SHC4: variants seen among roughly 807,000 people sequenced by gnomAD.
The protein encoded by SHC4 is SHC-transforming protein 4.
A neutral mutation model predicts 69.4 loss-of-function variants in SHC4; 41 were observed. The observed-to-expected ratio is 0.59, with a 90% CI of 0.46 to 0.77. The LOEUF (loss-of-function observed/expected upper bound fraction) is 0.77, where lower values mean the gene tolerates loss of function less well. Among genes scored for constraint, SHC4 ranks in the 30% least tolerant of loss-of-function variants. SHC4 has a pLI of 0.00. For missense variants in SHC4, 777 were observed against 783.8 expected, an observed-to-expected ratio of 0.99 and a Z score of 0.10; for synonymous variants, 318 against 299.3, an observed-to-expected ratio of 1.06 and a Z score of -0.64.
chr15:48,870,505 A>G (rs922448057), intron 5 of SHC4, among the ~76,000 whole-genome samples: 2 of 152,226 alleles, frequency 1.3e-5, no homozygotes, highest in Non-Finnish European at 2.9e-5. Flanking sequence ...AAATAACTAT[A>G]CCCCAGGCTA....
At chr15:48,863,681 T>C (rs1487243792) in intron 6 of SHC4, among the ~76,000 whole-genome samples, 1 of 152,240 alleles carries the variant, frequency 6.6e-6, no homozygotes, top group Non-Finnish European at 1.5e-5. Flanking sequence ...GAATAACTAC[T>C]ACTCGAAACC....
intron 4 of SHC4, chr15:48,877,588 G>A (rs987872062): frequency 1.7e-4 from 171 of 983,600 alleles, no homozygotes; most frequent in Non-Finnish European, 1.9e-4. Context: ...ATAGTGGAAA[G>A]ATACCTCCCA....
At chr15:48,909,266 CTT>C (rs962281630) in intron 2 of SHC4, among the ~76,000 whole-genome samples, 2 of 140,734 alleles carry the variant, frequency 1.4e-5, no homozygotes, top group African/African-American at 5.3e-5. Flanking sequence ...TCTTTTGACT[CTT>C]TTGTTAGGTA....
chr15:48,896,301 C>CCT (rs1169590147), intron 2 of SHC4, among the ~76,000 whole-genome samples: 8 of 135,088 alleles, frequency 5.9e-5, no homozygotes, highest in Non-Finnish European at 1.1e-4. Flanking sequence ...CCTCCCTCTC[C>CCT]CTCTCTCTCT....
At chr15:48,900,831 G>C (rs1312432561) in intron 2 of SHC4, among the ~76,000 whole-genome samples, 2 of 152,182 alleles carry the variant, frequency 1.3e-5, no homozygotes, top group African/African-American at 4.8e-5. Flanking sequence ...GACAGGGCTT[G>C]GGGGTCAGAA....
intron 10 of SHC4, among the ~76,000 whole-genome samples, chr15:48,841,869 C>A (rs1375274975): frequency 6.6e-6 from 1 of 152,212 alleles, no homozygotes; most frequent in Non-Finnish European, 1.5e-5. Context: ...ACAATAAGGA[C>A]CCCTGGTTCT....
intron 9 of SHC4, among the ~76,000 whole-genome samples, chr15:48,849,899 C>G (rs1899173650): frequency 6.6e-6 from 1 of 152,146 alleles, no homozygotes; most frequent in African/African-American, 2.4e-5. Flanking sequence ...CATATTTTTA[C>G]AGAACTTAAA....
At position 48,841,668 on chromosome 15, in the gene SHC4, T is replaced by C. The variant is rs1312514202; in HGVS notation, c.1483+1741A>G. On this transcript the variant is annotated intron_variant, in intron 10 of 11. Transcript: ENST00000332408. ...TGGCTGAGGCTTTGTCAGGCCTGTG[T>C]TGTAGTCCCATCTCCCACTCCAGCC... 3.9e-5 allele frequency among the ~76,000 whole-genome samples: 6 copies of C among 152,216 alleles called. No individual in the cohort carries two copies. In the South Asian group the frequency reaches 1.0e-3, roughly 26 times the overall value.
intron 1 of SHC4, chr15:48,946,072 G>A (rs1901271373): frequency 6.6e-6 from 1 of 152,288 alleles, no homozygotes; most frequent in Admixed American, 6.5e-5. Flanking sequence ...ATCTGAAAAA[G>A]TCAATGATTG....
chr15:48,933,228 G>A (rs905970564), intron 1 of SHC4, among the ~76,000 whole-genome samples: 4 of 152,110 alleles, frequency 2.6e-5, no homozygotes, highest in African/African-American at 9.7e-5. Context: ...TTCAAAAGAG[G>A]TCAGAAATCA....
At chr15:48,866,327 G>T (rs937659718) in intron 6 of SHC4, among the ~76,000 whole-genome samples, 5 of 152,112 alleles carry the variant, frequency 3.3e-5, no homozygotes, top group Non-Finnish European at 5.9e-5. Context: ...AGTTTAGAGT[G>T]GGTCAGTTTT....
chr15:48,908,956 T>C (rs1046537880), intron 2 of SHC4, among the ~76,000 whole-genome samples: 6 of 152,214 alleles, frequency 3.9e-5, no homozygotes, highest in Non-Finnish European at 8.8e-5. Flanking sequence ...TATGGCACTA[T>C]AGTATCGTTT....
At chr15:48,830,761 G>C (rs771776538) in intron 11 of SHC4, among the ~76,000 whole-genome samples, 1 of 152,118 alleles carries the variant, frequency 6.6e-6, no homozygotes, top group African/African-American at 2.4e-5. Context: ...ATCTGCGTAC[G>C]AGCAAATCTA....
At chr15:48,847,292 T>C (rs947427225) in intron 9 of SHC4, among the ~76,000 whole-genome samples, 2 of 152,184 alleles carry the variant, frequency 1.3e-5, no homozygotes, top group African/African-American at 4.8e-5. Context: ...CATTTTAAAG[T>C]GTAAGCCCTT....
At chr15:48,946,504 T>C (rs1202874932) in intron 1 of SHC4, 35 of 844,584 alleles carry the variant, frequency 4.1e-5, no homozygotes, top group South Asian at 5.4e-5. Flanking sequence ...CCTCTCCCTC[T>C]CCTCTTCCTC....
At chr15:48,939,239 G>T (rs1457128238) in intron 1 of SHC4, among the ~76,000 whole-genome samples, 1 of 152,216 alleles carries the variant, frequency 6.6e-6, no homozygotes, top group Non-Finnish European at 1.5e-5. Context: ...GCACTGGGAT[G>T]CAAGGGGCTA....
intron 2 of SHC4, among the ~76,000 whole-genome samples, chr15:48,915,547 G>A (rs1322870958): frequency 1.3e-5 from 2 of 152,192 alleles, no homozygotes; most frequent in Non-Finnish European, 2.9e-5. Flanking sequence ...ACATCTGCAC[G>A]TGTGTGAAAG....
At chr15:48,848,830 A>AT (rs1042706148) in intron 9 of SHC4, among the ~76,000 whole-genome samples, 10 of 151,942 alleles carry the variant, frequency 6.6e-5, no homozygotes, top group African/African-American at 2.2e-4. Context: ...TGTTTTAAGA[A>AT]TTTTTTTTTA....
chr15:48,902,844 A>T (rs940404126), intron 2 of SHC4, among the ~76,000 whole-genome samples: 1 of 152,146 alleles, frequency 6.6e-6, no homozygotes, highest in Non-Finnish European at 1.5e-5. Flanking sequence ...GTTGATTTCA[A>T]GAGCCCTCCT....
Sources: gnomAD v4.1 joint callset for allele counts (sites outside exome capture counted in the v4.1 genomes callset) on GRCh38, gnomAD v4.1.1 for gene constraint, MANE v1.5 for transcripts, NCBI Gene and HGNC (gene_info 2026-07-23, HGNC 2026-07-21) for gene names.